ITGAE: variants seen among roughly 807,000 people sequenced by gnomAD.
ITGAE encodes the protein integrin alpha-E.
A neutral mutation model predicts 136.5 loss-of-function variants in ITGAE; 99 were observed. The ratio of observed to expected loss-of-function variants is 0.73; its 90% CI spans 0.62 to 0.86. ITGAE has a LOEUF of 0.86. Ranked by LOEUF, ITGAE falls within the 40% of genes least tolerant of loss-of-function variation. The pLI is 0.00. For missense variants in ITGAE, 1,447 were observed against 1,515.3 expected (o/e 0.95, Z 0.75); for synonymous variants, 613 against 591.8 (o/e 1.04, Z -0.52).
intron 1 of ITGAE, 34 bp downstream of exon 1, chr17:3,801,077 G>A (rs753385265): frequency 7.4e-6 from 12 of 1,611,072 alleles, no homozygotes; most frequent in Non-Finnish European, 8.5e-7. Flanking sequence ...TGAGGGCACA[G>A]CAGCCCCTCG....
chr17:3,738,949 C>G (rs1369016216), intron 20 of ITGAE: 1 of 152,322 alleles, frequency 6.6e-6, no homozygotes. Flanking sequence ...TGTGTCACTC[C>G]TCTGACTTCC....
At position 3,719,248 on chromosome 17, in the gene ITGAE, AAAAAAAAAG is replaced by A. The variant is rs1254604636; in HGVS notation, c.3333+1050_3333+1058del. 7.6e-5 allele frequency among the ~76,000 whole-genome samples: 11 copies of A among 145,664 alleles called. 1 individual carries two copies. Among genetic ancestry groups the A allele is most frequent in the African/African-American group, 2.3e-4 (9 of 39,424 alleles). On this transcript the variant is annotated intron_variant, in intron 29 of 30. Coordinates refer to ENST00000263087, the MANE Select transcript of ITGAE (RefSeq NM_002208.5). ...GAGATTCTTCCTCAAAAAAAAAAAA[AAAAAAAAAG>A]AAAAGAAAAGAAAAAGAAATACACT...
rs957609319 is a variant in ITGAE at position 3,799,431 on chromosome 17, G to A, written c.34+1680C>T. On this transcript the variant is annotated intron_variant, in intron 1 of 30. Transcript: ENST00000263087. This position sits in a 1 kb window ranked among gnomAD's most constrained non-coding sequence, Gnocchi z 4.1. ...CCTAGGCCTCAAAAGAGGTTTGATC[G>A]ATGCCACCTGCTGGAAAAGGCACTG... 9.9e-5 allele frequency among the ~76,000 whole-genome samples: 15 copies of A among 152,128 alleles called. No homozygotes were observed. Among genetic ancestry groups the A allele is most frequent in the Non-Finnish European group, 1.6e-4 (11 of 68,016 alleles).
In ITGAE at chr17:3,756,999, T is replaced by C; in HGVS notation, c.1156A>G (p.Ile386Val). Reference sequence around the variant, plus strand: ...GAGCCCTCACCTTCCATGCTGATGATGTTGTACCGCAGTTTGCTCAGCAGC... The same window carrying C: ...GAGCCCTCACCTTCCATGCTGATGACGTTGTACCGCAGTTTGCTCAGCAGC... The part of the protein sequence containing the change: ...DGLLSKLRYN[I>V]ISMEGTVGDA... The change falls in exon 10 of 31, where the codon ATC (isoleucine) becomes GTC (valine). Residue 386 changes from isoleucine to valine, a missense_variant. Around this residue, in one of 3 missense-constraint regions of ITGAE, gnomAD observed 310 missense variants for 416.1 expected, o/e 0.74. Transcript: ENST00000263087. 6.2e-7 allele frequency: 1 copy of C among 1,614,018 alleles called. No homozygotes were observed. The highest frequency in any genetic ancestry group is 1.1e-5 in the South Asian group (1 of 91,068).
intron 23 of ITGAE, 27 bp from the exon 24 acceptor site, chr17:3,729,582 C>T: frequency 7.2e-7 from 1 of 1,382,096 alleles, no homozygotes; most frequent in Non-Finnish European, 1.0e-6. Flanking sequence ...TAGTTCATAG[C>T]ACACCTGCTT....
chr17:3,751,079 T>G (rs1466564538), intron 15 of ITGAE, among the ~76,000 whole-genome samples: 2 of 150,942 alleles, frequency 1.3e-5, no homozygotes, highest in African/African-American at 4.9e-5. Context: ...AGGTTTCCGG[T>G]GTGGGGTGTG....
rs1376346206 is a variant in ITGAE at position 3,796,165 on chromosome 17, GCA to G, written c.34+4944_34+4945del. ...TGTGCATCCGTGTGTGTGTGTGTGT[GCA>G]TCCGTGTGTGTGTGTGTGTGTGTGT... On this transcript the variant is annotated intron_variant, in intron 1 of 30. Transcript: ENST00000263087. Among the ~76,000 whole-genome samples, 189 of 32,860 alleles carry G rather than the reference GCA, an allele frequency of 5.8e-3. 6 individuals are homozygous for G. Among genetic ancestry groups the G allele is most frequent in the South Asian group, 0.01 (19 of 1,858 alleles). 21.6% of individuals were successfully genotyped at this position (32,860 alleles called of 152,430 possible).
At chr17:3,728,881 T>A (rs956017368) in intron 24 of ITGAE, among the ~76,000 whole-genome samples, 3 of 151,422 alleles carry the variant, frequency 2.0e-5, no homozygotes, top group East Asian at 2.0e-4. Context: ...AAAAATTTTT[T>A]AAAAATTAGC....
intron 17 of ITGAE, 26 bp from the exon 18 acceptor site, chr17:3,745,953 G>C (rs182899262): frequency 2.4e-5 from 39 of 1,604,510 alleles, no homozygotes; most frequent in Admixed American, 3.4e-5. Flanking sequence ...AGACCTTCCC[G>C]ATGAGGTGGG....
Position 3,743,705 on chromosome 17 carries a change from CTTTTTTTTTT to C in ITGAE, c.2320-98_2320-89del, listed in dbSNP as rs34843140. The C allele has an allele frequency of 7.5e-6, 7 of 934,260 alleles. 1 individual carries two copies. The highest frequency in any genetic ancestry group is 1.0e-5 in the Non-Finnish European group (7 of 682,356). 57.9% of individuals were successfully genotyped at this position (934,260 alleles called of 1,614,324 possible). Reference sequence around the variant, plus strand: ...ATGCTTTTTTTCTTTTTCTTTTTTTCTTTTTTTTTTTTTTTGAGATGGAGTCTTGCTCTGT... The same window carrying C: ...ATGCTTTTTTTCTTTTTCTTTTTTTCTTTTTGAGATGGAGTCTTGCTCTGT... On this transcript the variant is annotated intron_variant, in intron 18 of 30. Coordinates refer to ENST00000263087, the MANE Select transcript of ITGAE (RefSeq NM_002208.5).
chr17:3,725,666 GGATCACTAT>G, intron 26 of ITGAE: 1 of 1,593,314 alleles, frequency 6.3e-7, no homozygotes, highest in Non-Finnish European at 8.6e-7. Context: ...TCAAAGCCTG[GGATCACTAT>G]AATTCAACCA....
At position 3,720,364 on chromosome 17, in the gene ITGAE, T is replaced by G. The variant is rs746552445; in HGVS notation, c.3276A>C (p.Glu1092Asp). ...KDVTELQILG[E>D]ISFNKSLYEG... ...CATATAGAGATTTGTTGAAAGATATTTCACCAAGGATCTGCAGTTCAGTTA... is the reference window on the plus strand; with the variant it reads ...CATATAGAGATTTGTTGAAAGATATGTCACCAAGGATCTGCAGTTCAGTTA... The change falls in exon 29 of 31, where the codon GAA becomes GAC. Residue 1092 changes from glutamate to aspartate, a missense_variant. Physicochemically the swap from Glu to Asp is conservative, Grantham distance 45 (BLOSUM62 2). Coordinates refer to ENST00000263087, the MANE Select transcript of ITGAE (RefSeq NM_002208.5). The G allele has an allele frequency of 6.3e-7, 1 of 1,584,762 alleles. No individual in the cohort carries two copies. The highest frequency in any genetic ancestry group is 8.7e-7 in the Non-Finnish European group (1 of 1,153,270).
At chr17:3,729,250 G>T in intron 24 of ITGAE, 1 of 501,786 alleles carries the variant, frequency 2.0e-6, no homozygotes, top group South Asian at 2.3e-5. Flanking sequence ...CCCTTTTGTA[G>T]CACGACTAGT....
chr17:3,736,013 A>G (rs1398009480), intron 20 of ITGAE, among the ~76,000 whole-genome samples: 1 of 152,160 alleles, frequency 6.6e-6, no homozygotes, highest in Non-Finnish European at 1.5e-5. Flanking sequence ...GTGTGGTGGC[A>G]GGTGCCTGTA....
chr17:3,733,135 C>G (rs565322856), intron 21 of ITGAE, among the ~76,000 whole-genome samples: 1 of 152,156 alleles, frequency 6.6e-6, no homozygotes, highest in Middle Eastern at 3.4e-3. Flanking sequence ...AGGTGCCCAC[C>G]ACCACGCCCG....
chr17:3,771,320 T>G (rs551463933), intron 2 of ITGAE, among the ~76,000 whole-genome samples: 1 of 152,218 alleles, frequency 6.6e-6, no homozygotes, highest in Non-Finnish European at 1.5e-5. Context: ...TATGCCTCGT[T>G]GATACTAAAT....
chr17:3,727,686 A>C (rs1034719666), intron 26 of ITGAE, among the ~76,000 whole-genome samples: 5 of 152,172 alleles, frequency 3.3e-5, no homozygotes, highest in Admixed American at 2.6e-4. Flanking sequence ...GGTGTGAGCC[A>C]CCGCACCTGG....
At chr17:3,772,218 C>G (rs80167855) in intron 2 of ITGAE, among the ~76,000 whole-genome samples, 1 of 152,244 alleles carries the variant, frequency 6.6e-6, no homozygotes, top group East Asian at 1.9e-4. Flanking sequence ...CTCGATGCGC[C>G]CCCCCGTACC....
intron 30 of ITGAE, among the ~76,000 whole-genome samples, chr17:3,715,533 A>G (rs1235059591): frequency 6.6e-6 from 1 of 152,172 alleles, no homozygotes; most frequent in Non-Finnish European, 1.5e-5. Context: ...CAGAGGCACG[A>G]ACCTATTTAG....
Sources: gnomAD v4.1 joint callset for allele counts (sites outside exome capture counted in the v4.1 genomes callset) on GRCh38, gnomAD v4.1.1 for gene constraint, gnomAD v4.1.1 regional missense constraint, Gnocchi (gnomAD v3.1) non-coding constraint, MANE v1.5 for transcripts, NCBI Gene and HGNC (gene_info 2026-07-23, HGNC 2026-07-21) for gene names.